Variants in GART observed in about 807,000 individuals in gnomAD.
The protein encoded by GART is trifunctional purine biosynthetic protein adenosine-3.
Under a neutral mutation model 107.2 loss-of-function variants are expected in GART, and 43 were observed. That is an observed-to-expected ratio of 0.40 (90% CI 0.31 to 0.52). The LOEUF (loss-of-function observed/expected upper bound fraction) is 0.52, where lower values mean the gene tolerates loss of function less well. GART is among the 20% of genes least tolerant of loss of function. The pLI is 0.52. For synonymous variants in GART, 434 were observed against 427.0 expected (o/e 1.02, Z -0.20); for missense variants, 1,107 against 1,206.5 (o/e 0.92, Z 1.22).
At chr21:33,528,410 A>G (rs1038257796) in intron 9 of GART, 75 bp from the exon 10 acceptor site, 4 of 1,562,660 alleles carry the variant, frequency 2.6e-6, no homozygotes, top group Non-Finnish European at 3.5e-6. Context: ...CTGGTGTACT[A>G]GCAGAACTTG....
intron 15 of GART, 22 bp from the exon 16 acceptor site, chr21:33,517,163 CA>C: frequency 6.3e-7 from 1 of 1,588,688 alleles, no homozygotes; most frequent in Non-Finnish European, 8.5e-7. Context: ...AGAGAGAAGA[CA>C]AAAACTTAGC....
chr21:33,528,683 A>G, intron 8 of GART, 79 bp from the exon 9 acceptor site: 1 of 1,065,026 alleles, frequency 9.4e-7, no homozygotes, highest in Non-Finnish European at 1.3e-6. Context: ...TATAAAATCT[A>G]CTACATAAAC....
intron 6 of GART, chr21:33,531,086 A>G: frequency 4.8e-6 from 2 of 418,882 alleles, no homozygotes. Flanking sequence ...AAGGATTTGT[A>G]ATTTTTGAGG....
At chr21:33,534,803 T>A (rs753485831) in intron 3 of GART, 50 bp from the exon 4 acceptor site, 2 of 1,479,924 alleles carry the variant, frequency 1.4e-6, no homozygotes, top group African/African-American at 2.9e-5. Context: ...CCCCAGGGGC[T>A]TTTCAGCCTG....
chr21:33,522,092 C>T (rs2084984045), intron 12 of GART, 96 bp downstream of exon 12: 11 of 889,006 alleles, frequency 1.2e-5, no homozygotes, highest in Non-Finnish European at 1.8e-6. Flanking sequence ...AGTAACCAAG[C>T]ATTGCTTTGG....
At chr21:33,533,401 C>T (rs1169205184) in intron 4 of GART, among the ~76,000 whole-genome samples, 3 of 147,462 alleles carry the variant, frequency 2.0e-5, no homozygotes, top group Non-Finnish European at 3.0e-5. Flanking sequence ...ATAGAGATAG[C>T]GCCACTGCAG....
chr21:33,528,832 T>C lies in GART; in HGVS notation c.811+18A>G, dbSNP rs1203158784. ...GTTACTCTATAGGTGGCTTCCATAG[T>C]AATGTGGGTGGGCCTACCTGTATAT... On this transcript the variant is annotated intron_variant, in intron 8 of 21. Coordinates refer to ENST00000381815, the MANE Select transcript of GART (RefSeq NM_000819.5). 6.4e-7 allele frequency: 1 copy of C among 1,556,222 alleles called. No homozygotes were observed. Among genetic ancestry groups the C allele is most frequent in the Admixed American group, 1.7e-5 (1 of 58,084 alleles).
intron 9 of GART, 82 bp from the exon 10 acceptor site, chr21:33,528,417 C>T (rs1569027899): frequency 1.6e-5 from 25 of 1,556,898 alleles, no homozygotes; most frequent in Non-Finnish European, 2.2e-5. Flanking sequence ...ACTAGCAGAA[C>T]TTGCATGAAT....
chr21:33,509,678 C>G, intron 18 of GART, 105 bp downstream of exon 18: 1 of 1,140,664 alleles, frequency 8.8e-7, no homozygotes, highest in Non-Finnish European at 1.2e-6. Context: ...TGATTCCCCC[C>G]AGTCCCTAGA....
chr21:33,512,089 C>A (rs2084794284), intron 16 of GART, among the ~76,000 whole-genome samples: 2 of 151,546 alleles, frequency 1.3e-5, no homozygotes, highest in Admixed American at 1.3e-4. Context: ...ATCGAGACCA[C>A]CCTGGCCAAG....
At chr21:33,527,999 C>T (rs774299168) in intron 10 of GART, among the ~76,000 whole-genome samples, 168 bp downstream of exon 10, 1 of 152,112 alleles carries the variant, frequency 6.6e-6, no homozygotes, top group Non-Finnish European at 1.5e-5. Flanking sequence ...ACAGTAATTG[C>T]GGATATTTGA....
chr21:33,514,659 T>A (rs1255762223), intron 16 of GART, among the ~76,000 whole-genome samples: 1 of 152,224 alleles, frequency 6.6e-6, no homozygotes, highest in African/African-American at 2.4e-5. Flanking sequence ...ATGAATGAAC[T>A]ACTTATTAAG....
chr21:33,524,502 A>G, intron 11 of GART: 1 of 942,768 alleles, frequency 1.1e-6, no homozygotes, highest in East Asian at 6.6e-5. Flanking sequence ...AAAAATTAAA[A>G]ATATAAAATA....
chr21:33,538,347 G>T (rs1026122841), intron 2 of GART, among the ~76,000 whole-genome samples: 8 of 150,550 alleles, frequency 5.3e-5, no homozygotes, highest in Non-Finnish European at 1.2e-4. Context: ...ATCTTACTCT[G>T]TTGCCCAAGT....
intron 18 of GART, 47 bp from the exon 19 acceptor site, chr21:33,506,151 T>TA: frequency 6.4e-7 from 1 of 1,571,130 alleles, no homozygotes; most frequent in Non-Finnish European, 8.6e-7. Context: ...CTACTTCTTT[T>TA]TTTTTTTTTG....
At chr21:33,530,697 T>A (rs1321372000) in intron 7 of GART, 62 bp downstream of exon 7, 1 of 1,329,182 alleles carries the variant, frequency 7.5e-7, no homozygotes, top group Admixed American at 3.0e-5. Flanking sequence ...GAAAGTATCA[T>A]CTAAGAGTTC....
intron 17 of GART, 89 bp downstream of exon 17, chr21:33,511,162 GT>G: frequency 2.2e-6 from 3 of 1,336,578 alleles, no homozygotes; most frequent in Non-Finnish European, 3.2e-6. Context: ...GCACTAAAAG[GT>G]GGGCAGAAAG....
Position 33,539,279 on chromosome 21 carries a change from T to C in GART, c.37A>G (p.Arg13Gly). 6.2e-7 allele frequency: 1 copy of C among 1,614,080 alleles called. No individual in the cohort carries two copies. Among genetic ancestry groups the C allele is most frequent in the South Asian group, 1.1e-5 (1 of 91,072 alleles). The change falls in exon 2 of 22, where the codon AGG becomes GGG. Residue 13 changes from arginine (R) to glycine (G), a missense_variant. Arg to Gly is a moderately radical substitution (Grantham distance 125). Transcript: ENST00000381815. ...ARVLIIGSGG[R>G]EHTLAWKLAQ... is the part of the protein sequence containing the mutation. ...AGTTTCCAGGCCAGCGTATGTTCCC[T>C]TCCTCCACTGCCAATTATAAGTACT...
chr21:33,509,684 C>T (rs1353355856), intron 18 of GART, 99 bp downstream of exon 18: 11 of 1,282,374 alleles, frequency 8.6e-6, no homozygotes, highest in Non-Finnish European at 1.1e-5. Flanking sequence ...CCCCCAGTCC[C>T]TAGACTCTGC....
Sources: allele counts gnomAD v4.1 joint callset (sites outside exome capture counted in the v4.1 genomes callset), GRCh38; gene constraint gnomAD v4.1.1; transcripts MANE v1.5; gene names NCBI Gene and HGNC (gene_info 2026-07-23, HGNC 2026-07-21).